The following GATAD2A variants were observed in gnomAD, a reference collection of about 807,000 sequenced individuals.
GATAD2A encodes GATA zinc finger domain containing 2A.
A neutral mutation model predicts 68.5 loss-of-function variants in GATAD2A; 12 were observed. That is an observed-to-expected ratio of 0.18 (90% CI 0.11 to 0.28). GATAD2A has a LOEUF of 0.28. GATAD2A is among the 10% of genes least tolerant of loss of function. GATAD2A has a pLI of 1.00. For synonymous variants in GATAD2A, 410 were observed against 375.3 expected, an observed-to-expected ratio of 1.09 and a Z score of -1.07; for missense variants, 755 against 868.5, an observed-to-expected ratio of 0.87 and a Z score of 1.64.
chr19:19,434,897 G>A lies in GATAD2A; in HGVS notation c.-7+28878G>A, dbSNP rs187094637. Among the ~76,000 whole-genome samples the A allele has an allele frequency of 1.4e-4, 22 of 152,288 alleles. 1 individual carries two copies. Among genetic ancestry groups the A allele is most frequent in the Admixed American group, 1.3e-3 (20 of 15,304 alleles). On this transcript the variant is annotated intron_variant, in intron 1 of 11. Coordinates refer to ENST00000683918, the MANE Select transcript of GATAD2A (RefSeq NM_001384528.1). ...AGGTGAAGCCCTCTCGGTCTGGAGG[G>A]TGAAGTCCGCTCATTCCCAGGCACA...
intron 2 of GATAD2A, among the ~76,000 whole-genome samples, chr19:19,489,819 G>GC (rs1271861298): frequency 6.6e-6 from 1 of 152,248 alleles, no homozygotes; most frequent in Non-Finnish European, 1.5e-5. Context: ...ACAAGATGCT[G>GC]CCTTGGCCCC....
rs146474619 is a variant in GATAD2A at position 19,499,238 on chromosome 19, T to G, written c.1204+516T>G. Among the ~76,000 whole-genome samples, 3 of 152,278 alleles carry G rather than the reference T, an allele frequency of 2.0e-5. No individual in the cohort carries two copies. The South Asian group carries it at 6.2e-4, about 32-fold the overall frequency. ...GAATAAAAAGACATCTACGGGGTGA[T>G]CACAGCATTGGAGACGGCTGGGCGG... On this transcript the variant is annotated intron_variant, in intron 8 of 11. Transcript: ENST00000683918.
intron 1 of GATAD2A, among the ~76,000 whole-genome samples, chr19:19,436,882 C>T (rs577212366): frequency 6.6e-6 from 1 of 152,218 alleles, no homozygotes; most frequent in Non-Finnish European, 1.5e-5. Context: ...TGGGGACACA[C>T]ATGGGCCAGA....
intron 2 of GATAD2A, among the ~76,000 whole-genome samples, chr19:19,491,301 G>A (rs909427801): frequency 1.3e-5 from 2 of 152,270 alleles, no homozygotes; most frequent in East Asian, 1.9e-4. Context: ...GTACTTCCCC[G>A]ATTGTCCCCT....
chr19:19,394,181 C>T (rs1422677983), intron 1 of GATAD2A, among the ~76,000 whole-genome samples: 4 of 152,108 alleles, frequency 2.6e-5, no homozygotes, highest in Non-Finnish European at 5.9e-5. Context: ...AGCCACCATG[C>T]CTGGCCAAGT....
intron 2 of GATAD2A, among the ~76,000 whole-genome samples, chr19:19,470,329 T>G (rs1600217415): frequency 6.6e-6 from 1 of 151,838 alleles, no homozygotes; most frequent in Non-Finnish European, 1.5e-5. Context: ...AGAGGCAGGG[T>G]TTCACCATGT....
chr19:19,409,014 C>CTTTT (rs5827448), intron 1 of GATAD2A, among the ~76,000 whole-genome samples: 150 of 116,474 alleles, frequency 1.3e-3, no homozygotes, highest in South Asian at 2.2e-3. Context: ...GAAATGTTGG[C>CTTTT]TTTTTTTTTT....
intron 2 of GATAD2A, among the ~76,000 whole-genome samples, chr19:19,479,445 G>T (rs2058900550): frequency 1.3e-5 from 2 of 152,130 alleles, no homozygotes; most frequent in Admixed American, 1.3e-4. Context: ...TTTTCCAGCT[G>T]TCCTTTTTCC....
chr19:19,409,724 TAGTG>T (rs35494426), intron 1 of GATAD2A, among the ~76,000 whole-genome samples: 19,091 of 152,066 alleles, frequency 0.13, 1,388 homozygotes, highest in Middle Eastern at 0.27. Context: ...GAGGTGGAAA[TAGTG>T]AGACCCGTAC....
intron 1 of GATAD2A, among the ~76,000 whole-genome samples, chr19:19,420,398 C>T: frequency 6.9e-6 from 1 of 144,064 alleles, no homozygotes; most frequent in Admixed American, 7.2e-5. Flanking sequence ...GTGGCGCGAT[C>T]TCGGCTCACT....
upstream of GATAD2A, among the ~76,000 whole-genome samples, chr19:19,401,315 G>A (rs57264674): frequency 6.1e-3 from 892 of 145,566 alleles, 7 homozygotes; most frequent in African/African-American, 0.022. Flanking sequence ...CCGGGTTCAC[G>A]CCAATCTCCT....
At chr19:19,462,529 C>T (rs577793335) in intron 1 of GATAD2A, among the ~76,000 whole-genome samples, 13 of 152,364 alleles carry the variant, frequency 8.5e-5, no homozygotes, top group Non-Finnish European at 1.2e-4. Context: ...GCCGTCAGTG[C>T]CGGGCCTGGG....
rs909631167 is a variant in GATAD2A at position 19,455,198 on chromosome 19, T to A, written c.-6-10142T>A. ...AGTGGGACCCCATCTCTTAAAAAAA[T>A]TTTTTTGGGGGCTGGGCACGGTGAC... On this transcript the variant is annotated intron_variant, in intron 1 of 11. Transcript: ENST00000683918. Among the ~76,000 whole-genome samples, 37 of 150,884 alleles carry A rather than the reference T, an allele frequency of 2.5e-4. 1 individual carries two copies. Among genetic ancestry groups the A allele is most frequent in the African/African-American group, 7.8e-4 (32 of 41,002 alleles).
At chr19:19,500,752 G>T in intron 8 of GATAD2A, among the ~76,000 whole-genome samples, 1 of 152,230 alleles carries the variant, frequency 6.6e-6, no homozygotes, top group East Asian at 1.9e-4. Context: ...GCATTTGGGG[G>T]TTCCCCGTCC....
intron 1 of GATAD2A, among the ~76,000 whole-genome samples, chr19:19,414,231 G>C (rs1003101646): frequency 4.6e-5 from 7 of 152,046 alleles, no homozygotes; most frequent in African/African-American, 1.7e-4. Context: ...AACTATTTTT[G>C]GGAGTTGGGT....
intron 1 of GATAD2A, among the ~76,000 whole-genome samples, chr19:19,462,307 C>T (rs969993418): frequency 2.0e-5 from 3 of 152,182 alleles, no homozygotes; most frequent in Non-Finnish European, 4.4e-5. Flanking sequence ...CCTGTGGTGG[C>T]CGAGGATTGG....
chr19:19,436,581 C>G (rs2054378083), intron 1 of GATAD2A, among the ~76,000 whole-genome samples: 1 of 152,238 alleles, frequency 6.6e-6, no homozygotes. Flanking sequence ...TAGACTTTTT[C>G]CTTATTCACC....
chr19:19,448,905 G>A (rs916983646), intron 1 of GATAD2A, among the ~76,000 whole-genome samples: 1 of 152,072 alleles, frequency 6.6e-6, no homozygotes, highest in Non-Finnish European at 1.5e-5. Flanking sequence ...CGTGTTACCC[G>A]GAAGGGCCCT....
At chr19:19,441,476 G>A (rs919444162) in intron 1 of GATAD2A, among the ~76,000 whole-genome samples, 4 of 152,018 alleles carry the variant, frequency 2.6e-5, no homozygotes, top group African/African-American at 9.7e-5. Context: ...GCAGCCTCCA[G>A]CAGTCCTTCC....
Sources: gnomAD v4.1 joint callset for allele counts (sites outside exome capture counted in the v4.1 genomes callset) on GRCh38, gnomAD v4.1.1 for gene constraint, MANE v1.5 for transcripts, NCBI Gene and HGNC (gene_info 2026-07-23, HGNC 2026-07-21) for gene names.